SNTG1: variants seen among roughly 807,000 people sequenced by gnomAD.
SNTG1 encodes syntrophin gamma 1, also known as gamma-1-syntrophin.
A neutral mutation model predicts 74.7 loss-of-function variants in SNTG1; 39 were observed. That is an observed-to-expected ratio of 0.52 (90% CI 0.40 to 0.68). SNTG1 has a LOEUF of 0.68. SNTG1 is among the 30% of genes least tolerant of loss of function. The pLI is 0.00. For synonymous variants in SNTG1, 254 were observed against 217.1 expected, an observed-to-expected ratio of 1.17 and a Z score of -1.49; for missense variants, 685 against 609.5, an observed-to-expected ratio of 1.12 and a Z score of -1.30.
At position 50,092,024 on chromosome 8, in the gene SNTG1, T is replaced by G. The variant is rs558553114; in HGVS notation, c.-102-80537T>G. 3.3e-5 allele frequency among the ~76,000 whole-genome samples: 5 copies of G among 152,282 alleles called. No homozygotes were observed. In the South Asian group the frequency reaches 1.0e-3, roughly 32 times the overall value. On this transcript the variant is annotated intron_variant, in intron 1 of 18. Transcript: ENST00000642720. Reference sequence around the variant, plus strand: ...AACTCAAACCAATAAAACCCTTCTTTTCCCACTTCGTATTCTAAGGAAAAT... The same window carrying G: ...AACTCAAACCAATAAAACCCTTCTTGTCCCACTTCGTATTCTAAGGAAAAT...
chr8:50,530,714 A>G (rs2094260048), intron 10 of SNTG1, among the ~76,000 whole-genome samples: 1 of 152,204 alleles, frequency 6.6e-6, no homozygotes, highest in African/African-American at 2.4e-5. Context: ...TTCACACATT[A>G]TTTTGACATG....
chr8:50,701,586 C>CTCTTCTTCTTCTTCT (rs5891382), intron 15 of SNTG1, among the ~76,000 whole-genome samples: 1 of 145,310 alleles, frequency 6.9e-6, no homozygotes, highest in African/African-American at 2.7e-5. Context: ...CTTTTTCTTC[C>CTCTTCTTCTTCTTCT]TCTTCTTCTT....
intron 12 of SNTG1, among the ~76,000 whole-genome samples, chr8:50,586,856 A>T (rs879668117): frequency 6.6e-6 from 1 of 152,230 alleles, no homozygotes; most frequent in East Asian, 1.9e-4. Flanking sequence ...TTAAAAAAAA[A>T]GTAAAGATTA....
At chr8:50,414,503 G>A (rs1192953482) in intron 4 of SNTG1, among the ~76,000 whole-genome samples, 1 of 151,938 alleles carries the variant, frequency 6.6e-6, no homozygotes, top group African/African-American at 2.4e-5. Flanking sequence ...TTCCAGTGAT[G>A]GCCCTGAATG....
At chr8:50,211,729 T>C (rs921013994) in intron 2 of SNTG1, among the ~76,000 whole-genome samples, 1 of 152,142 alleles carries the variant, frequency 6.6e-6, no homozygotes, top group African/African-American at 2.4e-5. Context: ...AAATGTTTTA[T>C]TTTCATAAGA....
intron 15 of SNTG1, among the ~76,000 whole-genome samples, chr8:50,703,782 CT>C (rs1304784940): frequency 6.6e-6 from 1 of 152,094 alleles, no homozygotes. Flanking sequence ...ATTACAACGG[CT>C]ATGACATTGC....
intron 17 of SNTG1, among the ~76,000 whole-genome samples, chr8:50,728,470 C>G (rs918056543): frequency 6.6e-6 from 1 of 152,152 alleles, no homozygotes; most frequent in African/African-American, 2.4e-5. Context: ...GAGTGTGTGT[C>G]TATTCATGTC....
chr8:50,046,628 C>T (rs967237718), intron 1 of SNTG1, among the ~76,000 whole-genome samples: 7 of 152,076 alleles, frequency 4.6e-5, no homozygotes, highest in Non-Finnish European at 1.0e-4. Context: ...AACCTGAATT[C>T]AATTAAATGA....
chr8:50,749,083 A>T (rs2095561476), intron 17 of SNTG1, among the ~76,000 whole-genome samples: 1 of 152,068 alleles, frequency 6.6e-6, no homozygotes, highest in African/African-American at 2.4e-5. Flanking sequence ...CAGTTAAGCA[A>T]GTTGTGAATG....
At chr8:50,388,235 G>T (rs2092604632) in intron 2 of SNTG1, among the ~76,000 whole-genome samples, 1 of 152,084 alleles carries the variant, frequency 6.6e-6, no homozygotes, top group Non-Finnish European at 1.5e-5. Context: ...TCTATACCAT[G>T]GTTAAGAGCA....
chr8:50,723,753 C>T (rs1034368279), intron 17 of SNTG1, among the ~76,000 whole-genome samples: 1 of 151,438 alleles, frequency 6.6e-6, no homozygotes, highest in African/African-American at 2.4e-5. Context: ...AGGAGAGGTG[C>T]ACAGCAGGAG....
intron 18 of SNTG1, among the ~76,000 whole-genome samples, chr8:50,762,234 A>T (rs544496477): frequency 1.3e-5 from 2 of 152,122 alleles, no homozygotes; most frequent in East Asian, 3.9e-4. Context: ...GAACATTACT[A>T]ATGAAGTCTA....
chr8:50,014,924 G>T (rs1405003581), intron 1 of SNTG1, among the ~76,000 whole-genome samples: 1 of 151,572 alleles, frequency 6.6e-6, no homozygotes, highest in Non-Finnish European at 1.5e-5. Flanking sequence ...AAGGGGAAAG[G>T]TATGGAAGAA....
chr8:50,388,232 C>T (rs568359094), intron 2 of SNTG1, among the ~76,000 whole-genome samples: 17 of 152,148 alleles, frequency 1.1e-4, no homozygotes, highest in African/African-American at 4.1e-4. Context: ...CTTTCTATAC[C>T]ATGGTTAAGA....
chr8:49,950,715 G>A (rs932829444), intron 1 of SNTG1, among the ~76,000 whole-genome samples: 1 of 152,094 alleles, frequency 6.6e-6, no homozygotes, highest in South Asian at 2.1e-4. Context: ...TAAGAAAAAG[G>A]GTATGTTTGA....
At chr8:50,430,739 G>A (rs73581368) in intron 4 of SNTG1, among the ~76,000 whole-genome samples, 4,243 of 152,268 alleles carry the variant, frequency 0.028, 187 homozygotes, top group African/African-American at 0.096. Flanking sequence ...AAGGAAGGGT[G>A]TATATGCTCC....
intron 12 of SNTG1, among the ~76,000 whole-genome samples, chr8:50,575,934 G>GT (rs2094574355): frequency 6.6e-6 from 1 of 151,996 alleles, no homozygotes; most frequent in Non-Finnish European, 1.5e-5. Flanking sequence ...GTATTCAATT[G>GT]TTTTTTCTTT....
chr8:50,607,837 T>A (rs2094823783), intron 13 of SNTG1, among the ~76,000 whole-genome samples: 1 of 151,670 alleles, frequency 6.6e-6, no homozygotes, highest in African/African-American at 2.4e-5. Flanking sequence ...TAACATATGT[T>A]TTAAAGGTAT....
At chr8:50,369,061 A>C (rs2092201385) in intron 2 of SNTG1, among the ~76,000 whole-genome samples, 1 of 152,130 alleles carries the variant, frequency 6.6e-6, no homozygotes, top group Non-Finnish European at 1.5e-5. Flanking sequence ...TGCTGGAATA[A>C]GTTAAGAATT....
Sources: gnomAD v4.1 joint callset for allele counts (sites outside exome capture counted in the v4.1 genomes callset) on GRCh38, gnomAD v4.1.1 for gene constraint, MANE v1.5 for transcripts, NCBI Gene and HGNC (gene_info 2026-07-23, HGNC 2026-07-21) for gene names.